Variants in KLRD1 observed in about 807,000 individuals in gnomAD.
The protein encoded by KLRD1 is killer cell lectin like receptor D1, also known as natural killer cells antigen CD94.
Under a neutral mutation model 22.6 loss-of-function variants are expected in KLRD1, and 21 were observed. The ratio of observed to expected loss-of-function variants is 0.93; its 90% confidence interval spans 0.66 to 1.34. The LOEUF is 1.34. Ranked by LOEUF, KLRD1 falls within the 40% of genes most tolerant of loss-of-function variation. KLRD1 has a pLI of 0.00. For missense variants in KLRD1, 183 were observed against 208.6 expected, an observed-to-expected ratio of 0.88 and a Z score of 0.76; for synonymous variants, 59 against 71.1, an observed-to-expected ratio of 0.83 and a Z score of 0.85.
intron 1 of KLRD1, among the ~76,000 whole-genome samples, chr12:10,282,733 CA>C (rs1949657749): frequency 6.6e-6 from 1 of 152,032 alleles, no homozygotes; most frequent in East Asian, 1.9e-4. Context: ...AAGATGTGTT[CA>C]AGGAAGGCAT....
At chr12:10,313,283 A>G in intron 4 of KLRD1, 127 bp from the exon 5 acceptor site, 1 of 515,640 alleles carries the variant, frequency 1.9e-6, no homozygotes, top group Admixed American at 3.2e-5. Flanking sequence ...ATAGGAAGTT[A>G]AAAATAATTT....
intron 1 of KLRD1, among the ~76,000 whole-genome samples, chr12:10,245,945 A>G (rs530770016): frequency 1.1e-4 from 16 of 152,258 alleles, no homozygotes; most frequent in East Asian, 3.9e-4. Flanking sequence ...CAGCCTCCCA[A>G]TGTGCTGGGA....
At chr12:10,312,279 T>G (rs909902280) in intron 4 of KLRD1, among the ~76,000 whole-genome samples, 2 of 152,138 alleles carry the variant, frequency 1.3e-5, no homozygotes, top group African/African-American at 4.8e-5. Flanking sequence ...CTTGAACTCC[T>G]GACCTCGGGT....
intron 1 of KLRD1, among the ~76,000 whole-genome samples, chr12:10,239,436 T>C (rs71441783): frequency 0.054 from 1,208 of 22,332 alleles, 127 homozygotes; most frequent in East Asian, 0.38. Flanking sequence ...TTCCTTCCTT[T>C]CCTTCCTTCC....
Position 10,313,495 on chromosome 12 carries a change from C to T in KLRD1, c.401C>T (p.Ser134Phe). The change falls in exon 5 of 6, where the codon TCT becomes TTT. Residue 134 changes from serine to phenylalanine, a missense_variant. Ser to Phe is a radical substitution (Grantham distance 155, BLOSUM62 -2). Transcript: ENST00000336164. ...EHTAWLWENG[S>F]ALSQYLFPSF... is the part of the protein sequence containing the mutation. ...ACCGCCTGGTTGTGGGAGAATGGCT[C>T]TGCACTCTCCCAGTATCTGTAAGTT... 2 of 1,596,250 alleles carry T rather than the reference C, an allele frequency of 1.3e-6. No homozygotes were observed. The highest frequency in any genetic ancestry group is 1.7e-6 in the Non-Finnish European group (2 of 1,168,328).
intron 1 of KLRD1, among the ~76,000 whole-genome samples, chr12:10,251,445 C>G (rs1345001053): frequency 6.6e-6 from 1 of 151,868 alleles, no homozygotes; most frequent in Non-Finnish European, 1.5e-5. Context: ...ATTTCTTTGG[C>G]AAACACAAAA....
chr12:10,286,773 T>A (rs550744135), intron 1 of KLRD1, among the ~76,000 whole-genome samples: 29 of 145,470 alleles, frequency 2.0e-4, no homozygotes, highest in African/African-American at 7.1e-4. Context: ...CCTCCCAAAG[T>A]GTTGGAATTA....
At chr12:10,275,522 A>G (rs1949584930) in intron 1 of KLRD1, among the ~76,000 whole-genome samples, 1 of 152,240 alleles carries the variant, frequency 6.6e-6, no homozygotes, top group Non-Finnish European at 1.5e-5. Context: ...TATTTCAGGA[A>G]GAAAATGTTC....
intron 1 of KLRD1, among the ~76,000 whole-genome samples, chr12:10,242,960 T>A (rs550019632): frequency 6.6e-6 from 1 of 152,236 alleles, no homozygotes; most frequent in African/African-American, 2.4e-5. Context: ...AAAAGAGAAG[T>A]AAATTCTGTT....
Position 10,325,054 on chromosome 12 carries a change from G to A in KLRD1, c.*10261G>A, listed in dbSNP as rs1320738395. 6.6e-6 allele frequency: 1 copy of A among 151,576 alleles called. No individual in the cohort carries two copies. Among genetic ancestry groups the A allele is most frequent in the African/African-American group, 2.4e-5 (1 of 41,314 alleles). The allele number at this position is 151,576 out of a possible 1,614,324, so 9.4% of individuals were successfully genotyped here. On this transcript the variant is annotated 3_prime_UTR_variant, in exon 6 of 6. Transcript: ENST00000336164. ...ATATTCAACACAAAGTTGAATACAA[G>A]TGGTGAGTAAACACCCTTGTTTTGC...
chr12:10,284,021 CA>C (rs10706142), intron 1 of KLRD1, among the ~76,000 whole-genome samples: 11,169 of 129,282 alleles, frequency 0.086, 1,484 homozygotes, highest in African/African-American at 0.3. Context: ...ATTAAAAATA[CA>C]AAAAAAAAAA....
intron 1 of KLRD1, among the ~76,000 whole-genome samples, chr12:10,288,339 A>T (rs1320798661): frequency 6.6e-6 from 1 of 152,092 alleles, no homozygotes; most frequent in East Asian, 1.9e-4. Context: ...TGTTGTAATT[A>T]TTATATAATA....
intron 1 of KLRD1, among the ~76,000 whole-genome samples, chr12:10,246,201 C>T (rs1027063306): frequency 6.6e-6 from 1 of 152,142 alleles, no homozygotes; most frequent in East Asian, 1.9e-4. Flanking sequence ...AAACCTCTGA[C>T]TGGAAAGATA....
At chr12:10,244,111 C>T (rs572438113) in intron 1 of KLRD1, among the ~76,000 whole-genome samples, 6 of 152,114 alleles carry the variant, frequency 3.9e-5, no homozygotes, top group South Asian at 2.1e-4. Flanking sequence ...GTTGGTCAAG[C>T]GCTCAGGCAA....
intron 1 of KLRD1, among the ~76,000 whole-genome samples, chr12:10,256,921 C>G (rs1949401575): frequency 6.6e-6 from 1 of 151,754 alleles, no homozygotes; most frequent in African/African-American, 2.4e-5. Flanking sequence ...TTTTTTTTAT[C>G]TTGAAATGCT....
chr12:10,296,508 T>C (rs957132362), intron 1 of KLRD1, among the ~76,000 whole-genome samples: 2 of 151,710 alleles, frequency 1.3e-5, no homozygotes, highest in African/African-American at 4.8e-5. Flanking sequence ...ACAGCGAGAC[T>C]CCGTCTCAAA....
Position 10,321,143 on chromosome 12 carries a change from T to C in KLRD1, c.*6350T>C, listed in dbSNP as rs958060227. On this transcript the variant is annotated 3_prime_UTR_variant, in exon 6 of 6. Transcript: ENST00000336164. ...TAATCAAATGAGTCCCGACATTTGC[T>C]ATGCTAGATTTTAAATTATTATGCA... 5 of 151,528 alleles carry C rather than the reference T, an allele frequency of 3.3e-5. No individual in the cohort carries two copies. The highest frequency in any genetic ancestry group is 1.2e-4 in the African/African-American group (5 of 40,760). 9.4% of individuals were successfully genotyped at this position (151,528 alleles called of 1,614,324 possible).
chr12:10,309,328 T>C, intron 1 of KLRD1, 60 bp from the exon 2 acceptor site: 1 of 780,060 alleles, frequency 1.3e-6, no homozygotes, highest in South Asian at 1.5e-5. Flanking sequence ...TTTCTGCTTT[T>C]AAGAACTCAG....
At chr12:10,288,704 T>G (rs1025927049) in intron 1 of KLRD1, among the ~76,000 whole-genome samples, 1 of 152,222 alleles carries the variant, frequency 6.6e-6, no homozygotes, top group Non-Finnish European at 1.5e-5. Context: ...TTTTTAATGG[T>G]TTTATACATA....
Sources: allele counts gnomAD v4.1 joint callset (sites outside exome capture counted in the v4.1 genomes callset), GRCh38; gene constraint gnomAD v4.1.1; transcripts MANE v1.5; gene names NCBI Gene and HGNC (gene_info 2026-07-23, HGNC 2026-07-21).